Variants in ATP2B2 observed in about 807,000 individuals in gnomAD.
The protein encoded by ATP2B2 is ATPase plasma membrane Ca2+ transporting 2.
A neutral mutation model predicts 120.0 loss-of-function variants in ATP2B2; 15 were observed. The observed-to-expected ratio is 0.12, with a 90% CI of 0.08 to 0.19. The LOEUF (loss-of-function observed/expected upper bound fraction) is 0.19, where lower values mean the gene tolerates loss of function less well. Ranked by LOEUF, ATP2B2 falls within the 10% of genes least tolerant of loss-of-function variation. The pLI is 1.00. For synonymous variants in ATP2B2, 694 were observed against 700.3 expected, an observed-to-expected ratio of 0.99 and a Z score of 0.14; for missense variants, 1,045 against 1,719.8, an observed-to-expected ratio of 0.61 and a Z score of 6.94.
At chr3:10,672,849 G>C (rs1337217322) in intron 1 of ATP2B2, among the ~76,000 whole-genome samples, 1 of 152,166 alleles carries the variant, frequency 6.6e-6, no homozygotes, top group East Asian at 1.9e-4. Context: ...AGGAATCTTT[G>C]ATTCACATTC....
intron 3 of ATP2B2, among the ~76,000 whole-genome samples, chr3:10,406,470 C>T (rs1013011092): frequency 3.9e-5 from 6 of 152,224 alleles, no homozygotes; most frequent in South Asian, 2.1e-4. Context: ...TGCATTTCTA[C>T]TGTACCTTCT....
chr3:10,619,596 T>C (rs1434430008), intron 2 of ATP2B2, among the ~76,000 whole-genome samples: 2 of 152,172 alleles, frequency 1.3e-5, no homozygotes, highest in African/African-American at 2.4e-5. Context: ...AAAGTGGCAA[T>C]GCGTAGGCTC....
chr3:10,526,368 A>G (rs1245340803), intron 3 of ATP2B2, among the ~76,000 whole-genome samples: 6 of 152,184 alleles, frequency 3.9e-5, no homozygotes, highest in African/African-American at 1.2e-4. Context: ...GGTTCCAATC[A>G]TTCCCTATTT....
In ATP2B2 at chr3:10,420,206, T is replaced by C. The variant is rs546270523; in HGVS notation, c.200-9391A>G. Among the ~76,000 whole-genome samples the C allele has an allele frequency of 3.3e-5, 5 of 152,278 alleles. No individual in the cohort carries two copies. In the South Asian group the frequency reaches 6.2e-4, roughly 19 times the overall value. On this transcript the variant is annotated intron_variant, in intron 2 of 22. Transcript: ENST00000360273. Reference sequence around the variant, plus strand: ...CAGAGGTCAGACAGAGTGGGTAGCTTGCACAGGCATCACTGCTGGGACTGT... The same window carrying C: ...CAGAGGTCAGACAGAGTGGGTAGCTCGCACAGGCATCACTGCTGGGACTGT...
At chr3:10,603,060 C>G (rs1030025261) in intron 2 of ATP2B2, among the ~76,000 whole-genome samples, 2 of 152,256 alleles carry the variant, frequency 1.3e-5, no homozygotes, top group Non-Finnish European at 2.9e-5. Context: ...GAGGCAGAAA[C>G]CTGAACTGGT....
chr3:10,555,920 A>G (rs2067768129), intron 2 of ATP2B2, among the ~76,000 whole-genome samples: 1 of 152,116 alleles, frequency 6.6e-6, no homozygotes, highest in South Asian at 2.1e-4. Context: ...TATTTTGGAG[A>G]TGGAGTCTTG....
intron 14 of ATP2B2, among the ~76,000 whole-genome samples, chr3:10,356,363 GC>G (rs1280466576): frequency 1.3e-5 from 2 of 152,166 alleles, no homozygotes; most frequent in African/African-American, 4.8e-5. Flanking sequence ...CTCAAGTCAT[GC>G]CCTGTTAGTG....
intron 1 of ATP2B2, among the ~76,000 whole-genome samples, chr3:10,689,604 G>C (rs2071608053): frequency 1.3e-5 from 2 of 152,022 alleles, no homozygotes; most frequent in African/African-American, 4.8e-5. Flanking sequence ...GAGTAGAAAG[G>C]CCACAACCTC....
At chr3:10,600,655 G>A (rs920622954) in intron 2 of ATP2B2, among the ~76,000 whole-genome samples, 1 of 152,184 alleles carries the variant, frequency 6.6e-6, no homozygotes, top group African/African-American at 2.4e-5. Context: ...TAATCAGTGG[G>A]ATCTGCCGCC....
intron 2 of ATP2B2, among the ~76,000 whole-genome samples, chr3:10,576,238 C>T (rs775748266): frequency 3.9e-5 from 6 of 152,190 alleles, no homozygotes; most frequent in Admixed American, 6.5e-5. Flanking sequence ...GGATGTCCTG[C>T]GCACACTCGG....
Position 10,457,625 on chromosome 3 carries a change from C to A in ATP2B2, c.-319-7763G>T, listed in dbSNP as rs148310029. 7.2e-5 allele frequency among the ~76,000 whole-genome samples: 11 copies of A among 152,092 alleles called. No individual in the cohort carries two copies. The East Asian group carries it at 2.1e-3, about 29-fold the overall frequency. On this transcript the variant is annotated intron_variant, in intron 1 of 22. Coordinates refer to ENST00000360273, the MANE Select transcript of ATP2B2 (RefSeq NM_001001331.4). The stretch of plus-strand genomic sequence containing the variant: ...TGTGCCACACCTGTCTCTGGGTGTG[C>A]AAGCCCCATGATGTGTGAGTGTCTG...
chr3:10,657,761 GCA>G (rs1240776778), intron 1 of ATP2B2, among the ~76,000 whole-genome samples: 3 of 152,220 alleles, frequency 2.0e-5, no homozygotes, highest in Non-Finnish European at 4.4e-5. Flanking sequence ...GGTTCTCCCA[GCA>G]CAGAGTTTGA....
At chr3:10,469,430 G>C (rs76670685) in intron 1 of ATP2B2, among the ~76,000 whole-genome samples, 2,252 of 152,340 alleles carry the variant, frequency 0.015, 57 homozygotes, top group African/African-American at 0.051. Flanking sequence ...GTGAAGGAAT[G>C]AAAATACAAG....
intron 1 of ATP2B2, among the ~76,000 whole-genome samples, chr3:10,457,276 T>C (rs1422185360): frequency 2.0e-5 from 3 of 152,012 alleles, no homozygotes; most frequent in Non-Finnish European, 2.9e-5. Flanking sequence ...AGTGTGAGTA[T>C]GCAGGGCTAG....
intron 1 of ATP2B2, among the ~76,000 whole-genome samples, chr3:10,620,286 C>T (rs2069509221): frequency 6.6e-6 from 1 of 152,166 alleles, no homozygotes; most frequent in Admixed American, 6.5e-5. Context: ...TTGCTGGATC[C>T]AGACATACAA....
intron 1 of ATP2B2, among the ~76,000 whole-genome samples, chr3:10,480,057 T>C (rs2065349793): frequency 6.6e-6 from 1 of 152,266 alleles, no homozygotes; most frequent in South Asian, 2.1e-4. Context: ...GATTGTGCCA[T>C]TGCACTCCAG....
At chr3:10,361,434 C>G (rs920614738) in intron 12 of ATP2B2, among the ~76,000 whole-genome samples, 1 of 152,182 alleles carries the variant, frequency 6.6e-6, no homozygotes, top group African/African-American at 2.4e-5. Flanking sequence ...AAAGACTTAT[C>G]CCTTCCCTGA....
At chr3:10,548,569 G>C (rs889664189) in intron 2 of ATP2B2, among the ~76,000 whole-genome samples, 3 of 152,178 alleles carry the variant, frequency 2.0e-5, no homozygotes, top group Non-Finnish European at 2.9e-5. Flanking sequence ...TTCCCTCTCA[G>C]CTGGGAAAAC....
chr3:10,426,277 T>G (rs2063142996), intron 2 of ATP2B2, among the ~76,000 whole-genome samples: 1 of 152,206 alleles, frequency 6.6e-6, no homozygotes, highest in Non-Finnish European at 1.5e-5. Context: ...AATTGGTTTT[T>G]CTTAATGCTT....
Sources: gnomAD v4.1 joint callset for allele counts (sites outside exome capture counted in the v4.1 genomes callset) on GRCh38, gnomAD v4.1.1 for gene constraint, MANE v1.5 for transcripts, NCBI Gene and HGNC (gene_info 2026-07-23, HGNC 2026-07-21) for gene names.